The following SQSTM1 variants were observed in gnomAD, a reference collection of about 807,000 sequenced individuals.
SQSTM1 encodes the protein sequestosome 1, also known as sequestosome-1.
SQSTM1 carries 36 observed loss-of-function variants against 45.1 expected under a neutral mutation model. That is an observed-to-expected ratio of 0.80 (90% CI 0.61 to 1.05). The LOEUF (loss-of-function observed/expected upper bound fraction) is 1.05. Ranked by LOEUF, SQSTM1 falls within the 50% of genes least tolerant of loss-of-function variation. The probability of loss-of-function intolerance (pLI) is 0.00; values close to 1 mark genes in which losing one functional copy is unlikely to be tolerated. For synonymous variants in SQSTM1, 290 were observed against 244.3 expected (o/e 1.19, Z -1.74); for missense variants, 617 against 607.1 (o/e 1.02, Z -0.17).
intron 1 of SQSTM1, chr5:179,808,394 G>A (rs532349880): frequency 1.3e-5 from 2 of 152,350 alleles, no homozygotes; most frequent in Non-Finnish European, 2.9e-5. Flanking sequence ...GGACTTATAG[G>A]AGCCTTCTAG....
intron 2 of SQSTM1, chr5:179,813,342 G>C (rs1224470764): frequency 6.6e-6 from 1 of 152,306 alleles, no homozygotes; most frequent in Non-Finnish European, 1.5e-5. Context: ...GGTAGCGGGA[G>C]GTGGTTCATG....
Position 179,824,229 on chromosome 5 carries a change from C to G in SQSTM1, c.579C>G (p.Phe193Leu). Residue 193 changes from phenylalanine to leucine, a missense_variant, in exon 4 of 8, where the codon TTC becomes TTG. Coordinates refer to ENST00000389805, the MANE Select transcript of SQSTM1 (RefSeq NM_003900.5). ...TCCGGAAGGTGAAACACGGACACTT[C>G]GGGTGGCCAGGATGGGAAATGGGTC... ...RWLRKVKHGH[F>L]GWPGWEMGPP... 2 of 1,613,870 alleles carry G rather than the reference C, an allele frequency of 1.2e-6. No individual in the cohort carries two copies. Among genetic ancestry groups the G allele is most frequent in the Non-Finnish European group, 1.7e-6 (2 of 1,180,044 alleles).
chr5:179,823,330 G>A (rs1223776451), intron 2 of SQSTM1, among the ~76,000 whole-genome samples: 1 of 151,592 alleles, frequency 6.6e-6, no homozygotes, highest in African/African-American at 2.4e-5. Flanking sequence ...GCCGGGTGTG[G>A]TGGTACATGC....
intron 1 of SQSTM1, chr5:179,821,578 G>A (rs1220887755): frequency 4.4e-6 from 2 of 455,498 alleles, no homozygotes; most frequent in Admixed American, 4.7e-5. Flanking sequence ...TGCCCTGGAG[G>A]AGCCGGGCGA....
At chr5:179,835,733 A>G (rs248242) in intron 7 of SQSTM1, 92,489 of 156,988 alleles carry the variant, frequency 0.59, 27,898 homozygotes, top group East Asian at 0.78. Flanking sequence ...ATCATAGCTT[A>G]GCATCTACTC....
chr5:179,823,649 G>C, intron 2 of SQSTM1: 3 of 600,320 alleles, frequency 5.0e-6, no homozygotes, highest in Admixed American at 3.0e-5. Context: ...CTGCTCTGCT[G>C]CCTGGGCCAA....
Position 179,806,527 on chromosome 5 carries a change from G to T in SQSTM1, c.-221G>T. 1 of 1,339,998 alleles carries T rather than the reference G, an allele frequency of 7.5e-7. No individual in the cohort carries two copies. Among genetic ancestry groups the T allele is most frequent in the Non-Finnish European group, 9.8e-7 (1 of 1,020,466 alleles). 83.0% of individuals were successfully genotyped at this position (1,339,998 alleles called of 1,614,324 possible). On this transcript the variant is annotated 5_prime_UTR_variant, in exon 1 of 6. Transcript: ENST00000514093. This position sits in a 1 kb window ranked among gnomAD's most constrained non-coding sequence, Gnocchi z 4.6. ...GTGCCGCGTACCAGGACAGCGAGAG[G>T]AAGGCGCACAGGCAGAAGAGCAGCA...
rs763179729 is a variant in SQSTM1 at position 179,833,061 on chromosome 5, G to A, written c.784G>A (p.Gly262Arg). ...GIEVDIDVEH[G>R]GKRSRLTPVS... ...TGAAGTTGATATCGATGTGGAGCAC[G>A]GAGGGAAAAGAAGCCGCCTGACCCC... The change falls in exon 6 of 8, where the codon GGA becomes AGA. Residue 262 changes from glycine to arginine, a missense_variant. Physicochemically the swap from Gly to Arg is moderately radical, Grantham distance 125. Transcript: ENST00000389805. 2.7e-5 allele frequency: 44 copies of A among 1,614,074 alleles called. 1 individual carries two copies. The South Asian group carries it at 2.7e-4, about 10-fold the overall frequency.
upstream of SQSTM1, among the ~76,000 whole-genome samples, chr5:179,815,270 A>G (rs1300436704): frequency 6.6e-6 from 1 of 152,084 alleles, no homozygotes; most frequent in Non-Finnish European, 1.5e-5. Context: ...TACAAAAATT[A>G]GCCAGATATG....
chr5:179,836,783 T>C lies in SQSTM1; in HGVS notation c.*190T>C, dbSNP rs979372280. Reference sequence around the variant, plus strand: ...GGAGGGTCCCTGTGTGTGTGTGTGCTGATGTTTCCTGGGTGCCCTGGCTCC... The same window carrying C: ...GGAGGGTCCCTGTGTGTGTGTGTGCCGATGTTTCCTGGGTGCCCTGGCTCC... On this transcript the variant is annotated 3_prime_UTR_variant, in exon 8 of 8. Transcript: ENST00000389805. 1.2e-6 allele frequency: 1 copy of C among 842,164 alleles called. No individual in the cohort carries two copies. The highest frequency in any genetic ancestry group is 1.9e-6 in the Non-Finnish European group (1 of 525,886). 52.2% of individuals were successfully genotyped at this position (842,164 alleles called of 1,614,324 possible).
Position 179,824,237 on chromosome 5 carries a change from C to G in SQSTM1, c.587C>G (p.Pro196Arg). The change falls in exon 4 of 8, where the codon CCA (proline) becomes CGA (arginine). Residue 196 changes from proline (P) to arginine (R), a missense_variant. Coordinates refer to ENST00000389805, the MANE Select transcript of SQSTM1 (RefSeq NM_003900.5). Reference sequence around the variant, plus strand: ...GTGAAACACGGACACTTCGGGTGGCCAGGATGGGAAATGGGTCCACCAGGA... The same window carrying G: ...GTGAAACACGGACACTTCGGGTGGCGAGGATGGGAAATGGGTCCACCAGGA... ...RKVKHGHFGW[P>R]GWEMGPPGNW... The G allele has an allele frequency of 6.2e-7, 1 of 1,613,836 alleles. No individual in the cohort carries two copies. Among genetic ancestry groups the G allele is most frequent in the South Asian group, 1.1e-5 (1 of 91,084 alleles).
intron 7 of SQSTM1, chr5:179,836,176 A>G (rs1039374006): frequency 1.0e-5 from 6 of 582,740 alleles, no homozygotes; most frequent in South Asian, 8.1e-5. Context: ...TGAAATGCCT[A>G]TTTCAGTGTC....
chr5:179,833,933 C>CT, intron 7 of SQSTM1, 151 bp downstream of exon 7: 1 of 831,468 alleles, frequency 1.2e-6, no homozygotes. Flanking sequence ...TGGTTTTGTC[C>CT]TATTATGTGT....
intron 5 of SQSTM1, among the ~76,000 whole-genome samples, chr5:179,828,101 C>CTTTT (rs370822125): frequency 2.6e-5 from 4 of 151,970 alleles, no homozygotes; most frequent in African/African-American, 9.7e-5. Flanking sequence ...ATCGTCTAGT[C>CTTTT]TTTTTTTTAA....
chr5:179,808,459 T>A (rs1426809568), intron 1 of SQSTM1: 4 of 152,238 alleles, frequency 2.6e-5, no homozygotes, highest in Non-Finnish European at 1.5e-5. Context: ...GGATAATGGC[T>A]TTTCACTTAG....
At position 179,831,897 on chromosome 5, in the gene SQSTM1, C is replaced by T. The variant is rs535558358; in HGVS notation, c.755-1135C>T. Reference sequence around the variant, plus strand: ...CTCCCAGGTTCAAGCGATTCTTCTGCCTCGGCCTCCCGAGTAACTGAGACT... The same window carrying T: ...CTCCCAGGTTCAAGCGATTCTTCTGTCTCGGCCTCCCGAGTAACTGAGACT... On this transcript the variant is annotated intron_variant, in intron 5 of 7. Transcript: ENST00000389805. Among the ~76,000 whole-genome samples, 8 of 151,870 alleles carry T rather than the reference C, an allele frequency of 5.3e-5. No individual in the cohort carries two copies. The East Asian group carries it at 1.6e-3, about 30-fold the overall frequency.
rs202235745 is a variant in SQSTM1 at position 179,825,146 on chromosome 5, C to T, written c.674C>T (p.Ala225Val). The T allele has an allele frequency of 2.2e-5, 35 of 1,613,968 alleles. No homozygotes were observed. The East Asian group carries it at 5.8e-4, about 27-fold the overall frequency. ...TATCTTATCTTTGTAAAAATCAAAG[C>T]TTCTGGTCCATCGGAGGATCCGAGT... is the stretch of plus-strand genomic sequence containing the variant. ...EARPGPTAES[A>V]SGPSEDPSVN... Residue 225 changes from alanine to valine, a missense_variant and splice_region_variant, in exon 5 of 8, where the codon GCT becomes GTT. Physicochemically the swap from Ala to Val is moderately conservative, Grantham distance 64. Coordinates refer to ENST00000389805, the MANE Select transcript of SQSTM1 (RefSeq NM_003900.5).
At chr5:179,832,669 CTT>C (rs1448494551) in intron 5 of SQSTM1, among the ~76,000 whole-genome samples, 3 of 152,172 alleles carry the variant, frequency 2.0e-5, no homozygotes, top group Admixed American at 2.0e-4. Flanking sequence ...CAGAAGCTGA[CTT>C]TAGATGCTAG....
rs41285565 is a variant in SQSTM1 at position 179,823,214 on chromosome 5, C to T, written c.301+161C>T. On this transcript the variant is annotated intron_variant, in intron 2 of 7. Transcript: ENST00000389805. ...CCAGGTGTGGCTCACGCCTGTAATTCCAGCACTTTGGGAGGCCGAGGCGGG... is the reference window on the plus strand; with the variant it reads ...CCAGGTGTGGCTCACGCCTGTAATTTCAGCACTTTGGGAGGCCGAGGCGGG... Among the ~76,000 whole-genome samples, 12,198 of 151,920 alleles carry T rather than the reference C, an allele frequency of 0.08. 706 individuals are homozygous for T. The highest frequency in any genetic ancestry group is 0.12 in the Non-Finnish European group (8,433 of 67,936).
Sources: gnomAD v4.1 joint callset for allele counts (sites outside exome capture counted in the v4.1 genomes callset) on GRCh38, gnomAD v4.1.1 for gene constraint, Gnocchi (gnomAD v3.1) non-coding constraint, MANE v1.5 for transcripts, NCBI Gene and HGNC (gene_info 2026-07-23, HGNC 2026-07-21) for gene names.